FTCDNL1: variants seen among roughly 807,000 people sequenced by gnomAD.
The protein encoded by FTCDNL1 is formiminotransferase N-terminal subdomain-containing protein.
Under a neutral mutation model 5.9 loss-of-function variants are expected in FTCDNL1, and 11 were observed. The observed-to-expected ratio is 1.87, with a 90% CI of 1.18 to 3.10. The LOEUF is 3.10. FTCDNL1 is among the 30% of genes most tolerant of loss of function. The probability of loss-of-function intolerance (pLI) is 0.00; values close to 1 mark genes in which losing one functional copy is unlikely to be tolerated. For synonymous variants in FTCDNL1, 58 were observed against 24.8 expected, an observed-to-expected ratio of 2.34 and a Z score of -3.99; for missense variants, 115 against 65.5, an observed-to-expected ratio of 1.76 and a Z score of -2.61.
the FTCDNL1 span, among the ~76,000 whole-genome samples, chr2:199,732,558 G>A: frequency 0.082 from 12,393 of 151,126 alleles, 1,042 homozygotes; most frequent in African/African-American, 0.19. Context: ...ATGTTACAGG[G>A]CAGTCATAAA....
At chr2:199,823,282 G>C (rs1701809463) in intron 3 of FTCDNL1, among the ~76,000 whole-genome samples, 1 of 152,006 alleles carries the variant, frequency 6.6e-6, no homozygotes, top group Non-Finnish European at 1.5e-5. Flanking sequence ...TCACCCATGA[G>C]GGTTGGAACC....
chr2:199,833,856 G>A (rs1702535947), intron 3 of FTCDNL1, among the ~76,000 whole-genome samples: 12 of 152,084 alleles, frequency 7.9e-5, no homozygotes, highest in Admixed American at 7.9e-4. Flanking sequence ...CCACCTTTCA[G>A]ATAACGACCA....
chr2:199,726,678 T>C, the FTCDNL1 span, among the ~76,000 whole-genome samples: 1 of 152,182 alleles, frequency 6.6e-6, no homozygotes, highest in African/African-American at 2.4e-5. Flanking sequence ...GCTGCTGTGG[T>C]CTGCTGGTGG....
At chr2:199,850,214 GATATTA>G (rs1347835622) in intron 1 of FTCDNL1, among the ~76,000 whole-genome samples, 1 of 152,104 alleles carries the variant, frequency 6.6e-6, no homozygotes, top group Non-Finnish European at 1.5e-5. Flanking sequence ...GGTTTTTCTA[GATATTA>G]ATAACATTGT....
At chr2:199,760,298 G>C (rs556838384), downstream of FTCDNL1, among the ~76,000 whole-genome samples, 1 of 151,586 alleles carries the variant, frequency 6.6e-6, no homozygotes, top group South Asian at 2.1e-4. Flanking sequence ...CCATAACAGA[G>C]AGAAAGTTCT....
chr2:199,818,351 T>G (rs2106495494), intron 4 of FTCDNL1: 1 of 152,342 alleles, frequency 6.6e-6, no homozygotes, highest in Non-Finnish European at 1.5e-5. Flanking sequence ...TGACAAAATG[T>G]TGAATGAAAT....
chr2:199,735,135 AC>A, the FTCDNL1 span, among the ~76,000 whole-genome samples: 9,221 of 145,864 alleles, frequency 0.063, 664 homozygotes, highest in African/African-American at 0.15. Context: ...AAAAAAAAAA[AC>A]CACATTATTT....
At chr2:199,813,769 G>A (rs1376032085) in intron 4 of FTCDNL1, among the ~76,000 whole-genome samples, 1 of 151,832 alleles carries the variant, frequency 6.6e-6, no homozygotes, top group Admixed American at 6.6e-5. Flanking sequence ...AAATTAGTTG[G>A]GCATGGTGGC....
At chr2:199,759,216 T>C (rs1320362154), downstream of FTCDNL1, among the ~76,000 whole-genome samples, 2 of 151,826 alleles carry the variant, frequency 1.3e-5, no homozygotes, top group Non-Finnish European at 2.9e-5. Flanking sequence ...CACCAATTGA[T>C]AAATGTGCTT....
Position 199,827,153 on chromosome 2 carries a change from A to G in FTCDNL1, c.212-7396T>C, listed in dbSNP as rs111731098. Among the ~76,000 whole-genome samples the G allele has an allele frequency of 8.1e-4, 123 of 152,352 alleles. 1 individual carries two copies. The highest frequency in any genetic ancestry group is 1.3e-3 in the Non-Finnish European group (90 of 68,032). On this transcript the variant is annotated intron_variant, in intron 3 of 4. Coordinates refer to ENST00000420128, the MANE Select transcript of FTCDNL1 (RefSeq NM_001363886.2). ...CATTTGAAGAATTCCTGCCAAAAAA[A>G]TTAAACTTCAACTAATCAGACCTCT... is the stretch of plus-strand genomic sequence containing the variant.
At chr2:199,695,751 G>A in the FTCDNL1 span, among the ~76,000 whole-genome samples, 1 of 152,212 alleles carries the variant, frequency 6.6e-6, no homozygotes, top group Non-Finnish European at 1.5e-5. Flanking sequence ...TTGGAGAGTT[G>A]ACAGGAACAA....
chr2:199,723,457 G>C, the FTCDNL1 span, among the ~76,000 whole-genome samples: 1 of 152,080 alleles, frequency 6.6e-6, no homozygotes, highest in African/African-American at 2.4e-5. Context: ...GCCTTATCTA[G>C]TGCCAGTTCT....
chr2:199,720,117 T>C, the FTCDNL1 span, among the ~76,000 whole-genome samples: 2 of 152,204 alleles, frequency 1.3e-5, no homozygotes, highest in Non-Finnish European at 2.9e-5. Flanking sequence ...TAAGAGGTTT[T>C]TGGTGAAGTC....
chr2:199,730,573 C>A, the FTCDNL1 span, among the ~76,000 whole-genome samples: 1 of 152,044 alleles, frequency 6.6e-6, no homozygotes, highest in Admixed American at 6.5e-5. Context: ...TTTATGCAGC[C>A]AACAAACATG....
chr2:199,846,813 A>C (rs977285225), intron 2 of FTCDNL1, among the ~76,000 whole-genome samples: 7 of 152,182 alleles, frequency 4.6e-5, no homozygotes, highest in Non-Finnish European at 8.8e-5. Context: ...GCAGCCATAC[A>C]TAACCCTAGA....
intron 1 of FTCDNL1, among the ~76,000 whole-genome samples, chr2:199,849,400 T>G (rs1248628807): frequency 6.6e-6 from 1 of 152,202 alleles, no homozygotes; most frequent in Non-Finnish European, 1.5e-5. Context: ...GATTATTTAA[T>G]ATGTGGATTC....
At chr2:199,723,446 C>T in the FTCDNL1 span, among the ~76,000 whole-genome samples, 23 of 151,926 alleles carry the variant, frequency 1.5e-4, no homozygotes, top group Non-Finnish European at 2.2e-4. Flanking sequence ...AAGAGAGGGC[C>T]GCCTTATCTA....
intron 3 of FTCDNL1, among the ~76,000 whole-genome samples, chr2:199,798,809 A>G (rs1048711744): frequency 2.6e-5 from 4 of 152,242 alleles, no homozygotes; most frequent in African/African-American, 7.2e-5. Context: ...TCAACCATAC[A>G]TGATCCCACA....
rs1271008631 is a variant in FTCDNL1, at chr2:199,812,658, T to A, written c.*47A>T. 1.4e-6 allele frequency: 1 copy of A among 691,438 alleles called. No individual in the cohort carries two copies. The highest frequency in any genetic ancestry group is 2.1e-5 in the Admixed American group (1 of 48,108). The allele number at this position is 691,438 out of a possible 1,614,324, so 42.8% of individuals were successfully genotyped here. On this transcript the variant is annotated 3_prime_UTR_variant, in exon 5 of 5. Transcript: ENST00000420128. ...TCAGCTGCTCTGGTGGCAGCACGGATCCCCTCACTGCAAGGCTGAAATTCC... is the reference window on the plus strand; with the variant it reads ...TCAGCTGCTCTGGTGGCAGCACGGAACCCCTCACTGCAAGGCTGAAATTCC...
Sources: gnomAD v4.1 joint callset for allele counts (sites outside exome capture counted in the v4.1 genomes callset) on GRCh38, gnomAD v4.1.1 for gene constraint, MANE v1.5 for transcripts, NCBI Gene and HGNC (gene_info 2026-07-23, HGNC 2026-07-21) for gene names.